Variants in AGAP1 observed in about 807,000 individuals in gnomAD.
AGAP1 encodes ArfGAP with GTPase domain, ankyrin repeat and PH domain 1.
AGAP1 carries 29 observed loss-of-function variants against 105.3 expected under a neutral mutation model. That is an observed-to-expected ratio of 0.28 (90% CI 0.21 to 0.38). The LOEUF (loss-of-function observed/expected upper bound fraction) is 0.38, where lower values mean the gene tolerates loss of function less well. AGAP1 is among the 10% of genes least tolerant of loss of function. The pLI, the probability that AGAP1 is intolerant of heterozygous loss-of-function variation, is 1.00. For missense variants in AGAP1, 998 were observed against 1,165.1 expected (o/e 0.86, Z 2.09); for synonymous variants, 509 against 485.9 (o/e 1.05, Z -0.63).
chr2:235,849,068 T>C (rs777961789), intron 9 of AGAP1, among the ~76,000 whole-genome samples: 2 of 152,232 alleles, frequency 1.3e-5, no homozygotes, highest in Admixed American at 6.5e-5. Flanking sequence ...ATTTACCCTG[T>C]AATTCATTAG....
intron 16 of AGAP1, among the ~76,000 whole-genome samples, chr2:236,110,237 T>C (rs1431490164): frequency 2.6e-5 from 4 of 152,178 alleles, no homozygotes; most frequent in Non-Finnish European, 5.9e-5. Context: ...GACTCACACC[T>C]GTAATCCCAG....
intron 1 of AGAP1, among the ~76,000 whole-genome samples, chr2:235,523,651 A>T (rs772468946): frequency 6.6e-5 from 10 of 152,150 alleles, no homozygotes; most frequent in Non-Finnish European, 7.4e-5. Flanking sequence ...AGGTGTTACC[A>T]GTCAGGGAGT....
At chr2:235,826,013 G>GA (rs113141625) in intron 9 of AGAP1, among the ~76,000 whole-genome samples, 2,013 of 146,114 alleles carry the variant, frequency 0.014, 38 homozygotes, top group East Asian at 0.039. Flanking sequence ...ATTAAAAACA[G>GA]AAAAAAAAAA....
intron 1 of AGAP1, among the ~76,000 whole-genome samples, chr2:235,598,154 C>T (rs913308686): frequency 2.6e-5 from 4 of 152,108 alleles, no homozygotes; most frequent in Non-Finnish European, 5.9e-5. Flanking sequence ...CGTCGACGTC[C>T]CAAAGCTGTG....
At position 235,744,347 on chromosome 2, in the gene AGAP1, C is replaced by T. The variant is rs769944248; in HGVS notation, c.397-351C>T. ...TGAGGGGCTCTGGCAGGAGGTGGGTCTGGCCTTCTGTCTGCGGGGCCGCCT... is the reference window on the plus strand; with the variant it reads ...TGAGGGGCTCTGGCAGGAGGTGGGTTTGGCCTTCTGTCTGCGGGGCCGCCT... On this transcript the variant is annotated intron_variant, in intron 4 of 17. Transcript: ENST00000304032. The surrounding 1 kb of genome is among the most constrained non-coding windows in gnomAD (Gnocchi z 5.2). 6.6e-6 allele frequency among the ~76,000 whole-genome samples: 1 copy of T among 152,166 alleles called. No homozygotes were observed. Among genetic ancestry groups the T allele is most frequent in the Non-Finnish European group, 1.5e-5 (1 of 68,048 alleles).
intron 16 of AGAP1, among the ~76,000 whole-genome samples, chr2:236,060,617 C>T (rs2058164462): frequency 6.6e-6 from 1 of 151,756 alleles, no homozygotes; most frequent in African/African-American, 2.4e-5. Flanking sequence ...ATTGCTTGAG[C>T]CTAGGAGGTC....
chr2:235,794,933 A>G (rs1957174433), intron 6 of AGAP1, among the ~76,000 whole-genome samples: 1 of 152,248 alleles, frequency 6.6e-6, no homozygotes, highest in South Asian at 2.1e-4. Flanking sequence ...ATAATCAAAT[A>G]TAGACAAAAA....
rs545896430 is a variant in AGAP1, at chr2:235,608,094, A to G, written c.164-101085A>G. Among the ~76,000 whole-genome samples the G allele has an allele frequency of 6.6e-6, 1 of 152,270 alleles. No homozygotes were observed. The highest frequency in any genetic ancestry group is 1.9e-4 in the East Asian group (1 of 5,156). On this transcript the variant is annotated intron_variant, in intron 1 of 17. Coordinates refer to ENST00000304032, the MANE Select transcript of AGAP1 (RefSeq NM_001037131.3). The surrounding 1 kb of genome is among the most constrained non-coding windows in gnomAD (Gnocchi z 5.4). ...GCGTGGGCGGGTTGGCATCGTCTGC[A>G]CGTTGACCGGGTCGTTTTTAGCTTT...
chr2:236,040,802 A>G lies in AGAP1; in HGVS notation c.1852A>G (p.Met618Val), dbSNP rs777395875. ...EAMALQSIRN[M>V]RGNSHCVDCE... ...CATGGCCCTGCAGTCGATCCGGAAC[A>G]TGCGCGGGAACTCCCACTGTGTGGA... The change falls in exon 15 of 18, where the codon ATG becomes GTG. Residue 618 changes from methionine (M) to valine (V), a missense_variant. Around this residue, in one of 3 missense-constraint regions of AGAP1, gnomAD observed 735 missense variants for 833.4 expected, o/e 0.88. Coordinates refer to ENST00000304032, the MANE Select transcript of AGAP1 (RefSeq NM_001037131.3). This position sits in a 1 kb window ranked among gnomAD's most constrained non-coding sequence, Gnocchi z 5.6. The G allele has an allele frequency of 6.2e-7, 1 of 1,614,046 alleles. No individual in the cohort carries two copies. Among genetic ancestry groups the G allele is most frequent in the Non-Finnish European group, 8.5e-7 (1 of 1,180,006 alleles).
rs988817394 is a variant in AGAP1 at position 235,663,265 on chromosome 2, C to T, written c.164-45914C>T. Among the ~76,000 whole-genome samples, 6 of 152,056 alleles carry T rather than the reference C, an allele frequency of 3.9e-5. No homozygotes were observed. The highest frequency in any genetic ancestry group is 1.4e-4 in the African/African-American group (6 of 41,406). On this transcript the variant is annotated intron_variant, in intron 1 of 17. Coordinates refer to ENST00000304032, the MANE Select transcript of AGAP1 (RefSeq NM_001037131.3). The surrounding 1 kb of genome is among the most constrained non-coding windows in gnomAD (Gnocchi z 5.4). The stretch of plus-strand genomic sequence containing the variant: ...CAGAGGTTGCAGTGAGCCAAGATTG[C>T]ACCATTGCACTCCAGCCTGGGCAAC...
In AGAP1 at chr2:235,692,775, T is replaced by C. The variant is rs1222004737; in HGVS notation, c.164-16404T>C. On this transcript the variant is annotated intron_variant, in intron 1 of 17. Transcript: ENST00000304032. The surrounding 1 kb of genome is among the most constrained non-coding windows in gnomAD (Gnocchi z 5.8). ...ATTTGTTACAGCCCGCAGTCACAGG[T>C]CTTGCGGTGGACTTGCTGGTCGGCT... Among the ~76,000 whole-genome samples the C allele has an allele frequency of 6.6e-6, 1 of 152,172 alleles. No individual in the cohort carries two copies. The highest frequency in any genetic ancestry group is 2.4e-5 in the African/African-American group (1 of 41,446).
intron 1 of AGAP1, among the ~76,000 whole-genome samples, chr2:235,527,145 C>T (rs143053401): frequency 6.6e-6 from 1 of 152,158 alleles, no homozygotes; most frequent in African/African-American, 2.4e-5. Flanking sequence ...TTGGAAAATC[C>T]CCTGGAGATG....
intron 12 of AGAP1, among the ~76,000 whole-genome samples, chr2:235,939,584 T>C (rs10179567): frequency 6.6e-6 from 1 of 151,324 alleles, no homozygotes; most frequent in Admixed American, 6.6e-5. Flanking sequence ...TCGTCTGTCC[T>C]CAGCTACCAC....
intron 9 of AGAP1, among the ~76,000 whole-genome samples, chr2:235,837,507 C>A (rs956630545): frequency 3.9e-5 from 6 of 152,196 alleles, no homozygotes; most frequent in Admixed American, 3.9e-4. Flanking sequence ...ACCCTACTTG[C>A]CAGCTGTGAG....
rs1249883300 is a variant in AGAP1 at position 236,073,971 on chromosome 2, G to A, written c.2114+24690G>A. 1.3e-5 allele frequency among the ~76,000 whole-genome samples: 2 copies of A among 152,146 alleles called. No individual in the cohort carries two copies. The highest frequency in any genetic ancestry group is 4.8e-5 in the African/African-American group (2 of 41,456). ...CTCTGGGTGCCAAGGTCTCCTCCAG[G>A]AGCACAGGTTCTCACCTGGGGCTGA... On this transcript the variant is annotated intron_variant, in intron 16 of 17. Coordinates refer to ENST00000304032, the MANE Select transcript of AGAP1 (RefSeq NM_001037131.3). This position sits in a 1 kb window ranked among gnomAD's most constrained non-coding sequence, Gnocchi z 5.4.
intron 1 of AGAP1, among the ~76,000 whole-genome samples, chr2:235,516,446 C>T (rs1376275755): frequency 2.0e-5 from 3 of 152,104 alleles, no homozygotes; most frequent in African/African-American, 7.2e-5. Context: ...AAGAAGAGTC[C>T]TCAAGTGAAG....
chr2:235,967,973 G>A lies in AGAP1; in HGVS notation c.1484-489G>A, dbSNP rs1205001422. 6.6e-6 allele frequency among the ~76,000 whole-genome samples: 1 copy of A among 152,150 alleles called. No homozygotes were observed. Among genetic ancestry groups the A allele is most frequent in the East Asian group, 1.9e-4 (1 of 5,196 alleles). ...TTCACTGATAATAAAACAAGATGAAGTTATAGTCATCTGTAATATTGAGGC... is the reference window on the plus strand; with the variant it reads ...TTCACTGATAATAAAACAAGATGAAATTATAGTCATCTGTAATATTGAGGC... On this transcript the variant is annotated intron_variant, in intron 12 of 17. Coordinates refer to ENST00000304032, the MANE Select transcript of AGAP1 (RefSeq NM_001037131.3). The surrounding 1 kb of genome is among the most constrained non-coding windows in gnomAD (Gnocchi z 4.7).
chr2:235,852,679 T>C lies in AGAP1; in HGVS notation c.1051-30666T>C, dbSNP rs1228308808. On this transcript the variant is annotated intron_variant, in intron 9 of 17. Transcript: ENST00000304032. ...AAGAATTTTTTTTATCTCCTTTCTC[T>C]CCCCAGGGCCTGCCCTTCTTTGTCC... The C allele has an allele frequency of 2.8e-6, 4 of 1,447,264 alleles. No individual in the cohort carries two copies. In the South Asian group the frequency reaches 4.4e-5, roughly 16 times the overall value. The allele number at this position is 1,447,264 out of a possible 1,614,324, so 89.7% of individuals were successfully genotyped here. A position where few individuals can be genotyped will look rare whatever the true frequency, so the allele number is the denominator to read the frequency against.
At chr2:235,984,698 T>A (rs138258038) in intron 13 of AGAP1, among the ~76,000 whole-genome samples, 40 of 152,192 alleles carry the variant, frequency 2.6e-4, no homozygotes, top group African/African-American at 9.4e-4. Flanking sequence ...TGAGAACCTA[T>A]GGTGTTTGAC....
Sources: allele counts gnomAD v4.1 joint callset (sites outside exome capture counted in the v4.1 genomes callset), GRCh38; gene constraint gnomAD v4.1.1; regional missense constraint gnomAD v4.1.1; non-coding constraint Gnocchi (gnomAD v3.1); transcripts MANE v1.5; gene names NCBI Gene and HGNC (gene_info 2026-07-23, HGNC 2026-07-21).